Variants in PDE8A observed in about 807,000 individuals in gnomAD.
PDE8A encodes phosphodiesterase 8A, also known as high affinity cAMP-specific and IBMX-insensitive 3',5'-cyclic phosphodiesterase 8A.
Under a neutral mutation model 105.0 loss-of-function variants are expected in PDE8A, and 59 were observed. The ratio of observed to expected loss-of-function variants is 0.56; its 90% CI spans 0.46 to 0.70. PDE8A has a LOEUF of 0.70. PDE8A is among the 30% of genes least tolerant of loss of function. The probability of loss-of-function intolerance (pLI) is 0.00; values close to 1 mark genes in which losing one functional copy is unlikely to be tolerated. For missense variants in PDE8A, 1,014 were observed against 1,045.9 expected (o/e 0.97, Z 0.42); for synonymous variants, 355 against 371.9 (o/e 0.95, Z 0.52).
chr15:85,084,310 A>G (rs2081515041), intron 6 of PDE8A, among the ~76,000 whole-genome samples: 1 of 152,204 alleles, frequency 6.6e-6, no homozygotes, highest in Non-Finnish European at 1.5e-5. Context: ...TACCAAGATT[A>G]ATAAGGACCA....
intron 17 of PDE8A, among the ~76,000 whole-genome samples, chr15:85,119,949 C>T (rs548957290): frequency 2.0e-5 from 3 of 151,898 alleles, no homozygotes; most frequent in Non-Finnish European, 4.4e-5. Flanking sequence ...AAATGATAAT[C>T]CAGTGTGGCT....
At chr15:85,054,442 C>T (rs1222569073) in intron 1 of PDE8A, among the ~76,000 whole-genome samples, 1 of 152,184 alleles carries the variant, frequency 6.6e-6, no homozygotes, top group African/African-American at 2.4e-5. Context: ...GTGAATCCAT[C>T]AGGTACGGGA....
At chr15:85,047,475 G>A (rs60043454) in intron 1 of PDE8A, among the ~76,000 whole-genome samples, 13,480 of 152,230 alleles carry the variant, frequency 0.089, 1,663 homozygotes, top group African/African-American at 0.28. Context: ...GATATACCCC[G>A]TAGACAGGAT....
rs574664943 is a variant in PDE8A, at chr15:85,014,526, C to T, written c.186+32178C>T. Among the ~76,000 whole-genome samples, 208 of 152,254 alleles carry T rather than the reference C, an allele frequency of 1.4e-3. 1 individual carries two copies. The highest frequency in any genetic ancestry group is 2.5e-3 in the Non-Finnish European group (168 of 68,020). On this transcript the variant is annotated intron_variant, in intron 1 of 21. Transcript: ENST00000394553. ...AGTTTTCAGAATAATGGTTTGACTT[C>T]CTAATATCCTCCAAAGGGGACCTGT...
chr15:85,039,010 A>T (rs2080755856), intron 1 of PDE8A, among the ~76,000 whole-genome samples: 1 of 152,072 alleles, frequency 6.6e-6, no homozygotes, highest in African/African-American at 2.4e-5. Context: ...AATCCTAGCT[A>T]CTTGGGAGGC....
At chr15:85,088,661 G>A (rs1042087288) in intron 6 of PDE8A, among the ~76,000 whole-genome samples, 2 of 152,160 alleles carry the variant, frequency 1.3e-5, no homozygotes, top group Non-Finnish European at 2.9e-5. Context: ...GTGTAGGAGG[G>A]TTCCTCACTA....
intron 1 of PDE8A, among the ~76,000 whole-genome samples, chr15:84,985,185 A>G (rs558036675): frequency 4.0e-4 from 61 of 152,348 alleles, no homozygotes; most frequent in African/African-American, 1.4e-3. Flanking sequence ...TGAGATACCA[A>G]TATTCAAAGT....
chr15:85,113,496 C>T lies in PDE8A; in HGVS notation c.1185+49C>T, dbSNP rs750790738. ...CCATTGAGCACACATACTCCTTGTTCTCCCCAAGGATCATTTCCAATGAGA... is the reference window on the plus strand; with the variant it reads ...CCATTGAGCACACATACTCCTTGTTTTCCCCAAGGATCATTTCCAATGAGA... On this transcript the variant is annotated intron_variant, in intron 13 of 21. Transcript: ENST00000394553. The T allele has an allele frequency of 2.8e-6, 4 of 1,437,274 alleles. No individual in the cohort carries two copies. In the East Asian group the frequency reaches 9.1e-5, roughly 33 times the overall value. 89.0% of individuals were successfully genotyped at this position (1,437,274 alleles called of 1,614,324 possible).
At chr15:85,053,118 A>G (rs2081003087) in intron 1 of PDE8A, among the ~76,000 whole-genome samples, 1 of 152,174 alleles carries the variant, frequency 6.6e-6, no homozygotes, top group African/African-American at 2.4e-5. Flanking sequence ...TTTGTCAAAG[A>G]TCAGATGGTT....
At chr15:85,070,135 C>T (rs988107616) in intron 3 of PDE8A, among the ~76,000 whole-genome samples, 1 of 152,158 alleles carries the variant, frequency 6.6e-6, no homozygotes, top group Non-Finnish European at 1.5e-5. Flanking sequence ...TTCATCTTCC[C>T]TTTTGGGATA....
At chr15:85,069,014 A>G (rs1051016841) in intron 3 of PDE8A, among the ~76,000 whole-genome samples, 1 of 152,340 alleles carries the variant, frequency 6.6e-6, no homozygotes, top group South Asian at 2.1e-4. Context: ...TTATTGAGCT[A>G]TGTACAAGAG....
chr15:85,068,867 C>T (rs892071343), intron 3 of PDE8A, among the ~76,000 whole-genome samples: 4 of 152,104 alleles, frequency 2.6e-5, no homozygotes, highest in Non-Finnish European at 5.9e-5. Context: ...GTGTTGGTTA[C>T]GCTCCACTGT....
At chr15:85,113,356 T>G (rs1197793606) in intron 12 of PDE8A, 21 bp from the exon 13 acceptor site, 1 of 1,609,458 alleles carries the variant, frequency 6.2e-7, no homozygotes, top group Non-Finnish European at 8.5e-7. Context: ...TGCCCTGATT[T>G]GTGCATCCCT....
intron 1 of PDE8A, among the ~76,000 whole-genome samples, chr15:85,015,397 G>C (rs774338821): frequency 4.6e-5 from 7 of 151,990 alleles, no homozygotes; most frequent in Non-Finnish European, 8.8e-5. Flanking sequence ...TGTAAAGATG[G>C]AGTCTCACTA....
In PDE8A at chr15:85,130,580, T is replaced by C. The variant is rs536706887; in HGVS notation, c.2253+4206T>C. 2.0e-5 allele frequency among the ~76,000 whole-genome samples: 3 copies of C among 152,314 alleles called. No individual in the cohort carries two copies. The South Asian group carries it at 6.2e-4, about 32-fold the overall frequency. On this transcript the variant is annotated intron_variant, in intron 20 of 21. Coordinates refer to ENST00000394553, the MANE Select transcript of PDE8A (RefSeq NM_002605.3). The stretch of plus-strand genomic sequence containing the variant: ...TGGATGTTCTATACATTCTGTTAGG[T>C]CCAGTTGGCCTAGAGCATTGTTCAA...
At chr15:85,124,544 C>T (rs1472520967) in intron 19 of PDE8A, among the ~76,000 whole-genome samples, 1 of 152,200 alleles carries the variant, frequency 6.6e-6, no homozygotes, top group Non-Finnish European at 1.5e-5. Context: ...CTCCATTTTA[C>T]TTCTGCAATT....
chr15:85,049,878 C>G (rs2080945040), intron 1 of PDE8A, among the ~76,000 whole-genome samples: 1 of 152,148 alleles, frequency 6.6e-6, no homozygotes, highest in African/African-American at 2.4e-5. Flanking sequence ...TATGTTAATT[C>G]TATTTTTTTA....
rs35782842 is a variant in PDE8A at position 85,017,887 on chromosome 15, C to CA, written c.186+35551dup. On this transcript the variant is annotated intron_variant, in intron 1 of 21. Transcript: ENST00000394553. The stretch of plus-strand genomic sequence containing the variant: ...GAGCAACAGGAGCGAAACTCCGTCT[C>CA]AAAAAAAAAAAAGCAATAGTGGGAG... Among the ~76,000 whole-genome samples the CA allele has an allele frequency of 7.5e-4, 61 of 81,256 alleles. 5 individuals are homozygous for CA. The highest frequency in any genetic ancestry group is 6.1e-3 in the East Asian group (19 of 3,124). The allele number at this position is 81,256 out of a possible 152,430, so 53.3% of individuals were successfully genotyped here. A position where few individuals can be genotyped will look rare whatever the true frequency, so the allele number is the denominator to read the frequency against.
chr15:85,083,960 C>G (rs1195420719), intron 6 of PDE8A, among the ~76,000 whole-genome samples: 1 of 151,888 alleles, frequency 6.6e-6, no homozygotes, highest in African/African-American at 2.4e-5. Context: ...TAATATACAC[C>G]CCCCCAATCT....
Sources: allele counts gnomAD v4.1 joint callset (sites outside exome capture counted in the v4.1 genomes callset), GRCh38; gene constraint gnomAD v4.1.1; transcripts MANE v1.5; gene names NCBI Gene and HGNC (gene_info 2026-07-23, HGNC 2026-07-21).